The following TTC28 variants were observed in gnomAD, a reference collection of about 807,000 sequenced individuals.
TTC28 encodes the protein tetratricopeptide repeat protein 28.
TTC28 carries 61 observed loss-of-function variants against 198.0 expected under a neutral mutation model. That is an observed-to-expected ratio of 0.31 (90% CI 0.25 to 0.38). TTC28 has a LOEUF of 0.38. Among genes scored for constraint, TTC28 ranks in the 10% least tolerant of loss-of-function variants. TTC28 has a pLI of 1.00. For synonymous variants in TTC28, 1,171 were observed against 1,297.8 expected (o/e 0.90, Z 2.10); for missense variants, 2,678 against 3,164.0 (o/e 0.85, Z 3.69).
At chr22:28,165,698 C>A (rs1601414114) in intron 5 of TTC28, among the ~76,000 whole-genome samples, 1 of 152,188 alleles carries the variant, frequency 6.6e-6, no homozygotes, top group Non-Finnish European at 1.5e-5. Flanking sequence ...TGGAAAGGAA[C>A]AACTGGTACC....
chr22:28,254,492 C>CAA (rs5844806), intron 5 of TTC28, among the ~76,000 whole-genome samples: 1,589 of 135,428 alleles, frequency 0.012, 19 homozygotes, highest in African/African-American at 0.036. Context: ...CTTAATGGTG[C>CAA]AAAAAAAAAA....
intron 2 of TTC28, among the ~76,000 whole-genome samples, chr22:28,426,211 C>CAAAAAAAAAAAAAAAAAAAAA (rs34448246): frequency 1.2e-5 from 1 of 85,688 alleles, no homozygotes; most frequent in Admixed American, 1.4e-4. Context: ...GACTCCACGT[C>CAAAAAAAAAAAAAAAAAAAAA]AAAAAAAAAA....
At position 28,504,340 on chromosome 22, in the gene TTC28, T is replaced by C. The variant is rs538059862; in HGVS notation, c.381+125212A>G. Among the ~76,000 whole-genome samples, 4 of 152,330 alleles carry C rather than the reference T, an allele frequency of 2.6e-5. No individual in the cohort carries two copies. In the South Asian group the frequency reaches 6.2e-4, roughly 24 times the overall value. ...TATATAGTTTTCCTAGGTATTCCTA[T>C]ACTAGCCTATATAGCTATGTGTGTG... On this transcript the variant is annotated intron_variant, in intron 2 of 22. Transcript: ENST00000397906.
intron 12 of TTC28, among the ~76,000 whole-genome samples, chr22:28,084,495 C>A (rs899203610): frequency 3.9e-5 from 6 of 152,112 alleles, no homozygotes; most frequent in Admixed American, 1.3e-4. Context: ...GACATCCACA[C>A]CAAAAACCCA....
At chr22:28,296,592 G>T (rs2044901113) in intron 4 of TTC28, among the ~76,000 whole-genome samples, 1 of 152,232 alleles carries the variant, frequency 6.6e-6, no homozygotes, top group Non-Finnish European at 1.5e-5. Flanking sequence ...GAAACAAAAG[G>T]TTAAAGACCT....
chr22:28,230,665 A>C (rs751048375), intron 5 of TTC28, among the ~76,000 whole-genome samples: 2 of 152,184 alleles, frequency 1.3e-5, no homozygotes, highest in Non-Finnish European at 2.9e-5. Context: ...TTCGAGAGAA[A>C]TAGGATATTT....
Position 27,982,750 on chromosome 22 carries a change from A to G in TTC28, c.6917T>C (p.Met2306Thr). 3.2e-6 allele frequency: 5 copies of G among 1,551,070 alleles called. No homozygotes were observed. Among genetic ancestry groups the G allele is most frequent in the Non-Finnish European group, 2.6e-6 (3 of 1,146,676 alleles). Residue 2306 changes from methionine (M) to threonine (T), a missense_variant, in exon 23 of 23, where the codon ATG becomes ACG. Met to Thr is a moderately conservative substitution (Grantham distance 81). This residue lies in a region of TTC28 where 622 missense variants were observed against 656.0 expected (regional missense o/e 0.95). Coordinates refer to ENST00000397906, the MANE Select transcript of TTC28 (RefSeq NM_001145418.2). This position sits in a 1 kb window ranked among gnomAD's most constrained non-coding sequence, Gnocchi z 5.2. Reference protein sequence around the residue: ...SAHISKSPRNMSPSSGHQSPA... With the variant: ...SAHISKSPRNTSPSSGHQSPA... ...AGACTGGTGGCCGGAGCTTGGGGAC[A>G]TGTTCCTTGGTGATTTGGAAATGTG...
chr22:28,393,870 T>C (rs1412060315), intron 2 of TTC28, among the ~76,000 whole-genome samples: 1 of 152,150 alleles, frequency 6.6e-6, no homozygotes, highest in Non-Finnish European at 1.5e-5. Context: ...GTGCCCACCT[T>C]AATGGCAACT....
chr22:28,621,311 A>G (rs889881860), intron 2 of TTC28, among the ~76,000 whole-genome samples: 1 of 152,242 alleles, frequency 6.6e-6, no homozygotes, highest in Admixed American at 6.5e-5. Context: ...TTACAATAAA[A>G]GGTTATCACA....
intron 18 of TTC28, 169 bp from the exon 19 acceptor site, chr22:27,992,832 G>A: frequency 1.5e-6 from 1 of 683,434 alleles, no homozygotes; most frequent in Non-Finnish European, 2.4e-6. Flanking sequence ...GGACAGCGTG[G>A]TCTCCCAGGA....
chr22:28,433,738 T>A (rs2146207725), intron 2 of TTC28, among the ~76,000 whole-genome samples: 1 of 152,282 alleles, frequency 6.6e-6, no homozygotes, highest in East Asian at 1.9e-4. Context: ...ACCCTTCACA[T>A]AAACCTCTAA....
chr22:28,163,663 C>G, intron 5 of TTC28, 64 bp from the exon 6 acceptor site: 1 of 1,453,938 alleles, frequency 6.9e-7, no homozygotes, highest in Non-Finnish European at 9.0e-7. Context: ...TATATTTTGG[C>G]AGATAAAATT....
rs958581360 is a variant in TTC28 at position 27,999,374 on chromosome 22, A to G, written c.4399-114T>C. The G allele has an allele frequency of 1.8e-5, 25 of 1,404,878 alleles. No homozygotes were observed. The African/African-American group carries it at 2.6e-4, about 15-fold the overall frequency. 87.0% of individuals were successfully genotyped at this position (1,404,878 alleles called of 1,614,324 possible). On this transcript the variant is annotated intron_variant, in intron 15 of 22. Transcript: ENST00000397906. ...CTCTCTGCTGGTTGAGCTTGAATCCACCTGTTTCCCCAGTCACCACATTCA... is the reference window on the plus strand; with the variant it reads ...CTCTCTGCTGGTTGAGCTTGAATCCGCCTGTTTCCCCAGTCACCACATTCA...
chr22:28,658,257 C>T (rs1396513990), intron 1 of TTC28, among the ~76,000 whole-genome samples: 1 of 152,076 alleles, frequency 6.6e-6, no homozygotes, highest in Non-Finnish European at 1.5e-5. Context: ...TTGTGGGAAA[C>T]CAAGCACATG....
intron 2 of TTC28, among the ~76,000 whole-genome samples, chr22:28,509,044 A>C (rs1415437033): frequency 6.6e-6 from 1 of 152,096 alleles, no homozygotes; most frequent in Non-Finnish European, 1.5e-5. Flanking sequence ...TACAAAAATT[A>C]GCTGAGCACA....
intron 5 of TTC28, among the ~76,000 whole-genome samples, chr22:28,234,995 G>T (rs148650447): frequency 6.6e-6 from 1 of 152,102 alleles, no homozygotes; most frequent in African/African-American, 2.4e-5. Flanking sequence ...TTTTTGATAC[G>T]CAGAATTACG....
chr22:28,289,204 C>A (rs575101927), intron 5 of TTC28, among the ~76,000 whole-genome samples: 16 of 152,190 alleles, frequency 1.1e-4, no homozygotes, highest in African/African-American at 3.6e-4. Context: ...CAGAAATAGG[C>A]ACAGATTGAG....
chr22:28,363,618 G>A (rs1487032037), intron 2 of TTC28, among the ~76,000 whole-genome samples: 2 of 152,186 alleles, frequency 1.3e-5, no homozygotes, highest in East Asian at 3.9e-4. Context: ...ACCTGGAAAA[G>A]CCACAGACAC....
Position 27,982,539 on chromosome 22 carries a change from C to A in TTC28, c.7128G>T (p.Lys2376Asn). ...TCGTGCCAGGAGCCCCCCGGAAGAT[C>A]TTCATTGGCCCTGTGGAATGCTGGG... is the stretch of plus-strand genomic sequence containing the variant. ...STPQHSTGPM[K>N]IFRGAPGTMT... Residue 2376 changes from lysine (K) to asparagine (N), a missense_variant, in exon 23 of 23, where the codon AAG becomes AAT. This residue lies in a region of TTC28 where 622 missense variants were observed against 656.0 expected (regional missense o/e 0.95). Coordinates refer to ENST00000397906, the MANE Select transcript of TTC28 (RefSeq NM_001145418.2). This position sits in a 1 kb window ranked among gnomAD's most constrained non-coding sequence, Gnocchi z 5.2. 1 of 1,551,726 alleles carries A rather than the reference C, an allele frequency of 6.4e-7. No individual in the cohort carries two copies. Among genetic ancestry groups the A allele is most frequent in the Non-Finnish European group, 8.7e-7 (1 of 1,147,010 alleles).
Sources: allele counts gnomAD v4.1 joint callset (sites outside exome capture counted in the v4.1 genomes callset), GRCh38; gene constraint gnomAD v4.1.1; regional missense constraint gnomAD v4.1.1; non-coding constraint Gnocchi (gnomAD v3.1); transcripts MANE v1.5; gene names NCBI Gene and HGNC (gene_info 2026-07-23, HGNC 2026-07-21).